The following WDR46 variants were observed in gnomAD, a reference collection of about 807,000 sequenced individuals.
WDR46 encodes WD repeat-containing protein 46.
In WDR46, 58 loss-of-function variants were observed where a neutral mutation model predicts 74.7. The ratio of observed to expected loss-of-function variants is 0.78; its 90% CI spans 0.63 to 0.97. The LOEUF (loss-of-function observed/expected upper bound fraction) is 0.97, where lower values mean the gene tolerates loss of function less well. WDR46 is among the 50% of genes least tolerant of loss of function. WDR46 has a pLI of 0.00. For synonymous variants in WDR46, 278 were observed against 297.3 expected (o/e 0.93, Z 0.67); for missense variants, 702 against 790.1 (o/e 0.89, Z 1.34).
At chr6:33,284,422 A>T (rs1478840326) in intron 10 of WDR46, 2 of 153,832 alleles carry the variant, frequency 1.3e-5, no homozygotes, top group Non-Finnish European at 2.9e-5. Context: ...GGAAAATACA[A>T]ATCAGACAGA....
Position 33,280,457 on chromosome 6 carries a change from C to T in WDR46, c.1495G>A (p.Glu499Lys). 6.3e-7 allele frequency: 1 copy of T among 1,591,206 alleles called. No homozygotes were observed. Among genetic ancestry groups the T allele is most frequent in the Middle Eastern group, 1.7e-4 (1 of 6,026 alleles). The change falls in exon 12 of 15, where the codon GAG (glutamate) becomes AAG (lysine). Residue 499 changes from glutamate (E) to lysine (K), a missense_variant. Transcript: ENST00000374617. ...TCTAGCAGGGCCTTCACCTCCCACT[C>T]CTGGCGCTGCTTCCGGCTTCTGTAT... ...NPYRSRKQRQEWEVKALLEKV... is the reference protein window; with the variant it reads ...NPYRSRKQRQKWEVKALLEKV...
chr6:33,280,300 G>C (rs363959), intron 12 of WDR46, 128 bp downstream of exon 12: 1 of 916,416 alleles, frequency 1.1e-6, no homozygotes, highest in Non-Finnish European at 1.7e-6. Flanking sequence ...TGGGGAACCT[G>C]ACCTTCTCCA....
chr6:33,280,529 G>A lies in WDR46; in HGVS notation c.1430-7C>T. ...AAGTTGGGCTCACCGGCCCCTGAAG[G>A]GAGGGAGGGAGAAGCATGGAGCCAT... is the stretch of plus-strand genomic sequence containing the variant. On this transcript the variant is annotated splice_region_variant and splice_polypyrimidine_tract_variant and intron_variant, in intron 11 of 14. Coordinates refer to ENST00000374617, the MANE Select transcript of WDR46 (RefSeq NM_005452.6). The A allele has an allele frequency of 1.2e-6, 2 of 1,600,130 alleles. No homozygotes were observed. Among genetic ancestry groups the A allele is most frequent in the Non-Finnish European group, 1.7e-6 (2 of 1,172,602 alleles).
chr6:33,287,548 A>G (rs1428555676), intron 7 of WDR46, 43 bp from the exon 8 acceptor site: 6 of 1,613,634 alleles, frequency 3.7e-6, no homozygotes, highest in Non-Finnish European at 5.1e-6. Context: ...ATGAGGTCAC[A>G]GGCTATCATT....
Position 33,288,646 on chromosome 6 carries a change from G to C in WDR46, c.328C>G (p.Gln110Glu). 1 of 1,613,086 alleles carries C rather than the reference G, an allele frequency of 6.2e-7. No homozygotes were observed. The change falls in exon 3 of 15, where the codon CAG (glutamine) becomes GAG (glutamate). Residue 110 changes from glutamine (Q) to glutamate (E), a missense_variant. Physicochemically the swap from Gln to Glu is conservative, Grantham distance 29. Transcript: ENST00000374617. ...GPAPVPVEVV[Q>E]KFCRIDKSRK... ...GATTTGTCAATGCGACAGAACTTCTGGACCACTTCCACAGGGACGGGGGCG... is the reference window on the plus strand; with the variant it reads ...GATTTGTCAATGCGACAGAACTTCTCGACCACTTCCACAGGGACGGGGGCG...
At position 33,279,755 on chromosome 6, in the gene WDR46, G is replaced by C; in HGVS notation, c.1620+9C>G. On this transcript the variant is annotated intron_variant, in intron 13 of 14. Coordinates refer to ENST00000374617, the MANE Select transcript of WDR46 (RefSeq NM_005452.6). ...GACGGGCCTGGGCATTCAGGGGCCT[G>C]CTCCATACCAGCCTCTCTATCTGCT... 6.2e-7 allele frequency: 1 copy of C among 1,613,986 alleles called. No homozygotes were observed. Among genetic ancestry groups the C allele is most frequent in the Non-Finnish European group, 8.5e-7 (1 of 1,179,934 alleles).
chr6:33,283,852 C>T (rs1167580685), intron 10 of WDR46, among the ~76,000 whole-genome samples: 3 of 152,066 alleles, frequency 2.0e-5, no homozygotes, highest in African/African-American at 4.8e-5. Context: ...GAACCGAGAT[C>T]GCGCCACTGC....
At position 33,286,795 on chromosome 6, in the gene WDR46, G is replaced by A. The variant is rs772882472; in HGVS notation, c.1115C>T (p.Thr372Met). ...ACACCTCACCCCACCAGTGACTTAC[G>A]TGCCTGTAGAATCTACTGCCACAGC... ...VRAVAVDSTGTYMATSGLDHQ... is the reference protein window; with the variant it reads ...VRAVAVDSTGMYMATSGLDHQ... The change falls in exon 10 of 15, where the codon ACG (threonine) becomes ATG (methionine). Residue 372 changes from threonine (T) to methionine (M), a missense_variant and splice_region_variant. Physicochemically the swap from Thr to Met is moderately conservative, Grantham distance 81. Coordinates refer to ENST00000374617, the MANE Select transcript of WDR46 (RefSeq NM_005452.6). 1.1e-5 allele frequency: 17 copies of A among 1,613,810 alleles called. No individual in the cohort carries two copies. Among genetic ancestry groups the A allele is most frequent in the South Asian group, 5.5e-5 (5 of 91,068 alleles).
chr6:33,279,694 G>A (rs1765956078), intron 13 of WDR46, 70 bp downstream of exon 13: 1 of 1,612,322 alleles, frequency 6.2e-7, no homozygotes, highest in African/African-American at 1.3e-5. Flanking sequence ...GCACTTCTGG[G>A]GACAAGCCAT....
At chr6:33,284,553 C>G (rs372922580) in intron 10 of WDR46, 6 of 153,746 alleles carry the variant, frequency 3.9e-5, no homozygotes, top group African/African-American at 1.4e-4. Flanking sequence ...CAATGATGAA[C>G]ACAGCGCTCC....
At position 33,288,361 on chromosome 6, in the gene WDR46, G is replaced by A. The variant is rs145113472; in HGVS notation, c.470C>T (p.Pro157Leu). Residue 157 changes from proline to leucine, a missense_variant, in exon 4 of 15, where the codon CCT becomes CTT. Coordinates refer to ENST00000374617, the MANE Select transcript of WDR46 (RefSeq NM_005452.6). The part of the protein sequence containing the change: ...ARSELLLAEE[P>L]GFLEGEDGED... The stretch of plus-strand genomic sequence containing the variant: ...GTCCAGATTAGGGCTCACTCACCCA[G>A]GTTCTTCAGCAAGCAGCAGCTCAGA... 4.2e-4 allele frequency: 680 copies of A among 1,614,042 alleles called. No homozygotes were observed. Among genetic ancestry groups the A allele is most frequent in the Non-Finnish European group, 5.5e-4 (647 of 1,180,048 alleles).
chr6:33,279,648 C>T (rs371156856), intron 13 of WDR46, 38 bp from the exon 14 acceptor site: 11 of 1,613,500 alleles, frequency 6.8e-6, no homozygotes, highest in East Asian at 2.2e-5. Flanking sequence ...GTTACAGCCT[C>T]GGAGTCAGGG....
chr6:33,279,849 T>A lies in WDR46; in HGVS notation c.1535A>T (p.Glu512Val), dbSNP rs200631390. Residue 512 changes from glutamate to valine, a missense_variant, in exon 13 of 15, where the codon GAG becomes GTG. By Grantham distance (121) the Glu-to-Val change is moderately radical (BLOSUM62 -2). Transcript: ENST00000374617. ...GGCTCGTGGGTCCAGACAAATAAGC[T>A]CTGCAGGTACCTGGGGGTGTCACAG... ...VKALLEKVPA[E>V]LICLDPRALA... 12 of 1,613,576 alleles carry A rather than the reference T, an allele frequency of 7.4e-6. No individual in the cohort carries two copies. Among genetic ancestry groups the A allele is most frequent in the Non-Finnish European group, 1.0e-5 (12 of 1,179,922 alleles).
chr6:33,279,218 C>A lies in WDR46; in HGVS notation c.*58G>T. On this transcript the variant is annotated 3_prime_UTR_variant, in exon 15 of 15. Transcript: ENST00000374617. ...CCACCTCCTTGTTCCAGGGAACACT[C>A]ATTTCCCTACAGGTGATCTTGGGGA... The A allele has an allele frequency of 6.2e-7, 1 of 1,601,632 alleles. No individual in the cohort carries two copies.
At chr6:33,287,922 G>A (rs1189230741) in intron 6 of WDR46, 43 bp downstream of exon 6, 3 of 1,609,838 alleles carry the variant, frequency 1.9e-6, no homozygotes, top group Admixed American at 3.3e-5. Context: ...AAGTGGTTAA[G>A]GAAACACATC....
intron 5 of WDR46, 31 bp from the exon 6 acceptor site, chr6:33,288,057 G>A: frequency 2.5e-6 from 4 of 1,613,988 alleles, no homozygotes; most frequent in Non-Finnish European, 3.4e-6. Flanking sequence ...AAAAAAGAGT[G>A]CCCTGCAGTA....
intron 12 of WDR46, among the ~76,000 whole-genome samples, chr6:33,280,206 G>T (rs9469395): frequency 7.1e-6 from 1 of 139,902 alleles, no homozygotes; most frequent in Non-Finnish European, 1.5e-5. Context: ...ACCTGACCCC[G>T]TCCAGGAGAG....
At position 33,279,364 on chromosome 6, in the gene WDR46, C is replaced by A. The variant is rs776304058; in HGVS notation, c.1745G>T (p.Arg582Leu). 1.2e-6 allele frequency: 2 copies of A among 1,614,006 alleles called. No homozygotes were observed. The highest frequency in any genetic ancestry group is 1.7e-6 in the Non-Finnish European group (2 of 1,180,048). ...VMDEEHRDKV[R>L]QSLQQQHHKE... is the part of the protein sequence containing the mutation. ...ATGATGCTGCTGCTGAAGGCTCTGC[C>A]GGACCTTGTCCTGGGGACCGGAGAC... Residue 582 changes from arginine (R) to leucine (L), a missense_variant, in exon 15 of 15, where the codon CGG (arginine) becomes CTG (leucine). Arg to Leu is a moderately radical substitution (Grantham distance 102). Transcript: ENST00000374617.
rs1309291359 is a variant in WDR46, at chr6:33,280,102, G to GACCCTCTCCAGGAGAGGGAATTTC, written c.1525-267_1525-244dup. Among the ~76,000 whole-genome samples the GACCCTCTCCAGGAGAGGGAATTTC allele has an allele frequency of 9.5e-5, 14 of 148,122 alleles. No homozygotes were observed. The East Asian group carries it at 1.6e-3, about 17-fold the overall frequency. On this transcript the variant is annotated intron_variant, in intron 12 of 14. Coordinates refer to ENST00000374617, the MANE Select transcript of WDR46 (RefSeq NM_005452.6). ...CACCCTCTCCAGCAGGGGGGAACCT[G>GACCCTCTCCAGGAGAGGGAATTTC]ACCCTCTCCAGGAGAGGGAATTTCA...
Sources: allele counts gnomAD v4.1 joint callset (sites outside exome capture counted in the v4.1 genomes callset), GRCh38; gene constraint gnomAD v4.1.1; transcripts MANE v1.5; gene names NCBI Gene and HGNC (gene_info 2026-07-23, HGNC 2026-07-21).